The following RBFOX3 variants were observed in gnomAD, a reference collection of about 807,000 sequenced individuals.
RBFOX3 encodes RNA binding fox-1 homolog 3.
RBFOX3 carries 17 observed loss-of-function variants against 48.7 expected under a neutral mutation model. The observed-to-expected ratio is 0.35, with a 90% confidence interval of 0.24 to 0.52. The LOEUF (loss-of-function observed/expected upper bound fraction) is 0.52, where lower values mean the gene tolerates loss of function less well. Among genes scored for constraint, RBFOX3 ranks in the 20% least tolerant of loss-of-function variants. The pLI, the probability that RBFOX3 is intolerant of heterozygous loss-of-function variation, is 0.94. For missense variants in RBFOX3, 382 were observed against 497.5 expected, an observed-to-expected ratio of 0.77 and a Z score of 2.21; for synonymous variants, 212 against 209.5, an observed-to-expected ratio of 1.01 and a Z score of -0.10.
intron 1 of RBFOX3, among the ~76,000 whole-genome samples, chr17:79,521,043 C>G (rs1285548803): frequency 6.6e-6 from 1 of 152,210 alleles, no homozygotes. Context: ...CAGCGCCACT[C>G]CTGGCTGTCT....
At chr17:79,104,172 C>A (rs147567164) in intron 6 of RBFOX3, 46 bp from the exon 7 acceptor site, 1 of 1,473,928 alleles carries the variant, frequency 6.8e-7, no homozygotes, top group East Asian at 2.5e-5. Flanking sequence ...CAGGAAAGTG[C>A]GGGTTAAGAC....
At chr17:79,285,436 T>A (rs1351856711) in intron 3 of RBFOX3, among the ~76,000 whole-genome samples, 1 of 152,228 alleles carries the variant, frequency 6.6e-6, no homozygotes, top group African/African-American at 2.4e-5. Flanking sequence ...CCCAGAGATG[T>A]TGTACCTTCA....
rs1726489814 is a variant in RBFOX3, at chr17:79,471,641, GTTTAAA to G, written c.-175+10807_-175+10812del. Among the ~76,000 whole-genome samples the G allele has an allele frequency of 6.6e-6, 1 of 152,164 alleles. No individual in the cohort carries two copies. Among genetic ancestry groups the G allele is most frequent in the South Asian group, 2.1e-4 (1 of 4,830 alleles). On this transcript the variant is annotated intron_variant, in intron 2 of 14. Coordinates refer to ENST00000693108, the MANE Select transcript of RBFOX3 (RefSeq NM_001350451.2). The surrounding 1 kb of genome is among the most constrained non-coding windows in gnomAD (Gnocchi z 4.0). ...CTGTCACCTCTCCGTGGACTGCAGT[GTTTAAA>G]AGACAGTCATCACCCAAAGTGCTTT... is the stretch of plus-strand genomic sequence containing the variant.
chr17:79,620,430 TGCACACATGCACATGCACACATGCGC>T, the RBFOX3 span, among the ~76,000 whole-genome samples: 1 of 131,238 alleles, frequency 7.6e-6, no homozygotes. Context: ...CACACGCACG[TGCACACATGCACATGCACACATGCGC>T]ACACACATGC....
rs28600222 is a variant in RBFOX3, at chr17:79,199,155, T to C, written c.-34+36611A>G. 0.046 allele frequency among the ~76,000 whole-genome samples: 7,043 copies of C among 152,138 alleles called. 537 individuals carry two copies. Among genetic ancestry groups the C allele is most frequent in the African/African-American group, 0.16 (6,582 of 41,448 alleles). On this transcript the variant is annotated intron_variant, in intron 4 of 14. Transcript: ENST00000693108. The surrounding 1 kb of genome is among the most constrained non-coding windows in gnomAD (Gnocchi z 5.1). Reference sequence around the variant, plus strand: ...AGCTGCCCAGCAAAGGGTGCAGCTGTGGTCATAGGGTGGGGATGGGAAGGC... The same window carrying C: ...AGCTGCCCAGCAAAGGGTGCAGCTGCGGTCATAGGGTGGGGATGGGAAGGC...
chr17:79,091,168 G>A (rs1351826932), intron 14 of RBFOX3, among the ~76,000 whole-genome samples: 6 of 152,338 alleles, frequency 3.9e-5, no homozygotes, highest in East Asian at 1.9e-4. Context: ...CACAGGCTTC[G>A]AGGCGGCCTG....
At chr17:79,124,375 T>C (rs932552001) in intron 4 of RBFOX3, among the ~76,000 whole-genome samples, 3 of 152,210 alleles carry the variant, frequency 2.0e-5, no homozygotes, top group Non-Finnish European at 4.4e-5. Flanking sequence ...CGAGGCTGTC[T>C]GCAAAGACTG....
Position 79,262,470 on chromosome 17 carries a change from A to G in RBFOX3, c.-73-26665T>C, listed in dbSNP as rs894308296. 3.3e-5 allele frequency among the ~76,000 whole-genome samples: 5 copies of G among 152,380 alleles called. No homozygotes were observed. The East Asian group carries it at 9.6e-4, about 29-fold the overall frequency. ...CACCTCGGTCGTTCTCCTTTGAAGA[A>G]CAATCGATGGGTAGATCTCCACTGA... On this transcript the variant is annotated intron_variant, in intron 3 of 14. Coordinates refer to ENST00000693108, the MANE Select transcript of RBFOX3 (RefSeq NM_001350451.2).
At chr17:79,197,650 C>T (rs1475719637) in intron 4 of RBFOX3, among the ~76,000 whole-genome samples, 1 of 152,070 alleles carries the variant, frequency 6.6e-6, no homozygotes, top group Non-Finnish European at 1.5e-5. Context: ...CCACCTCGGC[C>T]TCCCAAAGTG....
chr17:79,123,823 G>C (rs1437295016), intron 4 of RBFOX3, among the ~76,000 whole-genome samples: 1 of 152,218 alleles, frequency 6.6e-6, no homozygotes, highest in African/African-American at 2.4e-5. Context: ...ATGCAGGTGG[G>C]GACGTGCAGG....
chr17:79,468,312 A>G (rs1433797392), intron 2 of RBFOX3, among the ~76,000 whole-genome samples: 1 of 152,220 alleles, frequency 6.6e-6, no homozygotes, highest in Non-Finnish European at 1.5e-5. Context: ...GAGTAGATGG[A>G]TAGGCAGATG....
chr17:79,557,708 G>A (rs2091886948), intron 1 of RBFOX3, among the ~76,000 whole-genome samples: 1 of 152,252 alleles, frequency 6.6e-6, no homozygotes, highest in Non-Finnish European at 1.5e-5. Flanking sequence ...CACAGGCTGA[G>A]GGAGGCTGGA....
chr17:79,242,294 T>C lies in RBFOX3; in HGVS notation c.-73-6489A>G, dbSNP rs577483689. On this transcript the variant is annotated intron_variant, in intron 3 of 14. Transcript: ENST00000693108. The surrounding 1 kb of genome is among the most constrained non-coding windows in gnomAD (Gnocchi z 5.8). ...CTTTGAGAAACTCCCAGTGCACCAC[T>C]CTCTTGTGTTACTTCAGATTTTATG... Among the ~76,000 whole-genome samples the C allele has an allele frequency of 7.9e-5, 12 of 152,288 alleles. No individual in the cohort carries two copies. In the South Asian group the frequency reaches 1.9e-3, roughly 24 times the overall value.
intron 2 of RBFOX3, among the ~76,000 whole-genome samples, chr17:79,375,899 T>C (rs149092447): frequency 1.3e-5 from 2 of 152,324 alleles, no homozygotes; most frequent in East Asian, 3.9e-4. Context: ...TTATTTAGCT[T>C]CTTTGTGCTT....
At chr17:79,454,277 C>T (rs1555743372) in intron 2 of RBFOX3, among the ~76,000 whole-genome samples, 2 of 152,176 alleles carry the variant, frequency 1.3e-5, no homozygotes, top group Admixed American at 6.5e-5. Flanking sequence ...CTTGAGGCCT[C>T]TCCTCAGCAT....
intron 4 of RBFOX3, among the ~76,000 whole-genome samples, chr17:79,158,836 G>A (rs1599729940): frequency 1.3e-5 from 2 of 152,338 alleles, no homozygotes; most frequent in East Asian, 3.9e-4. Context: ...CCACGTGGCA[G>A]TCACTTCTCT....
At chr17:79,463,135 TGCCACC>T (rs2075652286) in intron 2 of RBFOX3, among the ~76,000 whole-genome samples, 4 of 88,072 alleles carry the variant, frequency 4.5e-5, no homozygotes, top group Non-Finnish European at 7.2e-5. Context: ...CCACCGCCAC[TGCCACC>T]GCCACCTCCA....
At position 79,106,775 on chromosome 17, in the gene RBFOX3, G is replaced by A. The variant is rs776016743; in HGVS notation, c.236C>T (p.Ala79Val). Residue 79 changes from alanine (A) to valine (V), a missense_variant, in exon 6 of 15, where the codon GCG becomes GTG. By Grantham distance (64) the Ala-to-Val change is moderately conservative. This residue lies in a region of RBFOX3 where 118 missense variants were observed against 132.1 expected (regional missense o/e 0.89). Coordinates refer to ENST00000693108, the MANE Select transcript of RBFOX3 (RefSeq NM_001350451.2). ...GTQTVPQTDEAAQTDSQPLHP... is the reference protein window; with the variant it reads ...GTQTVPQTDEVAQTDSQPLHP... ...GAGCGGCTGGCTGTCCGTCTGTGCCGCCTCGTCTGTCTGCTGCAGGGAGAG... is the reference window on the plus strand; with the variant it reads ...GAGCGGCTGGCTGTCCGTCTGTGCCACCTCGTCTGTCTGCTGCAGGGAGAG... 62 of 1,521,698 alleles carry A rather than the reference G, an allele frequency of 4.1e-5. No homozygotes were observed. The highest frequency in any genetic ancestry group is 6.5e-5 in the Admixed American group (3 of 46,432). The allele number at this position is 1,521,698 out of a possible 1,614,324, so 94.3% of individuals were successfully genotyped here.
intron 2 of RBFOX3, among the ~76,000 whole-genome samples, chr17:79,372,809 C>T (rs112982169): frequency 0.074 from 11,263 of 152,288 alleles, 547 homozygotes; most frequent in Non-Finnish European, 0.1. Context: ...GGTAGAGCTG[C>T]GTGTCCAACT....
Sources: gnomAD v4.1 joint callset for allele counts (sites outside exome capture counted in the v4.1 genomes callset) on GRCh38, gnomAD v4.1.1 for gene constraint, gnomAD v4.1.1 regional missense constraint, Gnocchi (gnomAD v3.1) non-coding constraint, MANE v1.5 for transcripts, NCBI Gene and HGNC (gene_info 2026-07-23, HGNC 2026-07-21) for gene names.